The following SNTG1 variants were observed in gnomAD, a reference collection of about 807,000 sequenced individuals.
SNTG1 encodes the protein gamma-1-syntrophin.
Under a neutral mutation model 74.7 loss-of-function variants are expected in SNTG1, and 39 were observed. That is an observed-to-expected ratio of 0.52 (90% CI 0.40 to 0.68). SNTG1 has a LOEUF of 0.68. SNTG1 is among the 30% of genes least tolerant of loss of function. SNTG1 has a pLI of 0.00. For synonymous variants in SNTG1, 254 were observed against 217.1 expected, an observed-to-expected ratio of 1.17 and a Z score of -1.49; for missense variants, 685 against 609.5, an observed-to-expected ratio of 1.12 and a Z score of -1.30.
intron 1 of SNTG1, among the ~76,000 whole-genome samples, chr8:50,046,834 T>C (rs537896603): frequency 6.6e-6 from 1 of 152,334 alleles, no homozygotes; most frequent in Admixed American, 6.5e-5. Flanking sequence ...CCTTTACTTT[T>C]ACCTACTAGA....
At chr8:50,153,148 A>T (rs570266721) in intron 1 of SNTG1, among the ~76,000 whole-genome samples, 12 of 152,172 alleles carry the variant, frequency 7.9e-5, no homozygotes, top group Non-Finnish European at 4.4e-5. Flanking sequence ...ACTTCATTTT[A>T]TTCATTCGAT....
intron 2 of SNTG1, among the ~76,000 whole-genome samples, chr8:50,209,371 A>G (rs1407786805): frequency 6.6e-6 from 1 of 152,206 alleles, no homozygotes; most frequent in African/African-American, 2.4e-5. Flanking sequence ...TAAAGAAAGT[A>G]GTGGTTCTCC....
At chr8:50,487,090 C>T (rs1319876878) in intron 8 of SNTG1, among the ~76,000 whole-genome samples, 11 of 152,138 alleles carry the variant, frequency 7.2e-5, no homozygotes, top group Non-Finnish European at 1.5e-5. Context: ...TGAAAAAATG[C>T]TCATCATCAC....
At chr8:49,961,349 C>G (rs1213775809) in intron 1 of SNTG1, among the ~76,000 whole-genome samples, 3 of 152,148 alleles carry the variant, frequency 2.0e-5, no homozygotes, top group African/African-American at 4.8e-5. Context: ...GCCATAGGCC[C>G]AGAATCCACT....
At chr8:50,600,739 T>G (rs2094766926) in intron 13 of SNTG1, among the ~76,000 whole-genome samples, 1 of 152,136 alleles carries the variant, frequency 6.6e-6, no homozygotes, top group South Asian at 2.1e-4. Flanking sequence ...AAAAAACAAC[T>G]TTTCACTTTG....
At chr8:50,537,998 C>G (rs2094319766) in intron 11 of SNTG1, among the ~76,000 whole-genome samples, 1 of 152,122 alleles carries the variant, frequency 6.6e-6, no homozygotes, top group African/African-American at 2.4e-5. Context: ...CCAGCAAATA[C>G]TGTTTTAGTT....
intron 2 of SNTG1, among the ~76,000 whole-genome samples, chr8:50,306,817 A>G (rs796743405): frequency 4.6e-5 from 7 of 151,858 alleles, no homozygotes; most frequent in African/African-American, 1.7e-4. Context: ...TGCAAATATT[A>G]TCTCCCATTC....
intron 13 of SNTG1, among the ~76,000 whole-genome samples, chr8:50,599,704 T>A (rs1336762707): frequency 1.3e-5 from 2 of 152,110 alleles, no homozygotes; most frequent in Non-Finnish European, 2.9e-5. Context: ...CCTTAATGAA[T>A]TTGTTTATCA....
At chr8:49,987,649 C>CTT (rs35381511) in intron 1 of SNTG1, among the ~76,000 whole-genome samples, 7,524 of 131,430 alleles carry the variant, frequency 0.057, 715 homozygotes, top group African/African-American at 0.18. Context: ...TTAAATTAAC[C>CTT]TTTTTTTTTT....
intron 18 of SNTG1, among the ~76,000 whole-genome samples, chr8:50,778,782 C>T (rs34575436): frequency 0.32 from 47,557 of 149,726 alleles, 7,628 homozygotes; most frequent in South Asian, 0.43. Context: ...CTTGCCCATG[C>T]CTATGTCCTG....
intron 2 of SNTG1, among the ~76,000 whole-genome samples, chr8:50,308,958 C>A (rs1308875917): frequency 6.6e-6 from 1 of 151,116 alleles, no homozygotes; most frequent in Non-Finnish European, 1.5e-5. Flanking sequence ...AACTAGGAAG[C>A]AATAGTTTTG....
At chr8:49,930,707 C>A (rs1317842332) in intron 1 of SNTG1, among the ~76,000 whole-genome samples, 1 of 151,988 alleles carries the variant, frequency 6.6e-6, no homozygotes, top group South Asian at 2.1e-4. Flanking sequence ...CCACAGTAAG[C>A]ACATTAACGA....
chr8:50,017,093 A>C (rs1198797050), intron 1 of SNTG1, among the ~76,000 whole-genome samples: 1 of 152,150 alleles, frequency 6.6e-6, no homozygotes, highest in Non-Finnish European at 1.5e-5. Context: ...TTCAAACTGA[A>C]ATGCAAGGAC....
At chr8:50,558,004 T>TA (rs1325209637) in intron 12 of SNTG1, among the ~76,000 whole-genome samples, 10 of 152,150 alleles carry the variant, frequency 6.6e-5, no homozygotes, top group Admixed American at 6.5e-4. Context: ...TCCCCACTCT[T>TA]ACTGGATCGC....
Position 50,381,837 on chromosome 8 carries a change from T to C in SNTG1, c.-27-12375T>C, listed in dbSNP as rs55972228. On this transcript the variant is annotated intron_variant, in intron 2 of 18. Coordinates refer to ENST00000642720, the MANE Select transcript of SNTG1 (RefSeq NM_018967.5). ...CTATATATATAACATATATATATATTATATATATATATATATGAAGGGGAG... is the reference window on the plus strand; with the variant it reads ...CTATATATATAACATATATATATATCATATATATATATATATGAAGGGGAG... 4.0e-5 allele frequency: 5 copies of C among 123,754 alleles called. No individual in the cohort carries two copies. The South Asian group carries it at 9.9e-4, about 25-fold the overall frequency. 7.7% of individuals were successfully genotyped at this position (123,754 alleles called of 1,614,324 possible). A position where few individuals can be genotyped will look rare whatever the true frequency, so the allele number is the denominator to read the frequency against.
intron 8 of SNTG1, among the ~76,000 whole-genome samples, chr8:50,486,224 G>A (rs374844333): frequency 8.1e-5 from 12 of 147,812 alleles, no homozygotes; most frequent in African/African-American, 1.7e-4. Flanking sequence ...CATTGAATCT[G>A]TAAATTACCT....
rs188946361 is a variant in SNTG1, at chr8:50,114,899, G to A, written c.-102-57662G>A. ...AAAAAATATATGAACAAGTTCTGGG[G>A]GATATAATGTACAGCAGGAGTGGTG... On this transcript the variant is annotated intron_variant, in intron 1 of 18. Transcript: ENST00000642720. Among the ~76,000 whole-genome samples the A allele has an allele frequency of 1.0e-3, 159 of 151,960 alleles. 1 individual carries two copies. Among genetic ancestry groups the A allele is most frequent in the Middle Eastern group, 3.4e-3 (1 of 294 alleles).
At chr8:50,672,055 G>C (rs868424185) in intron 15 of SNTG1, among the ~76,000 whole-genome samples, 2 of 98,306 alleles carry the variant, frequency 2.0e-5, no homozygotes, top group Non-Finnish European at 3.8e-5. Context: ...GGGGTGGGGG[G>C]AGGGGGGAGG....
chr8:50,571,506 G>A (rs1340105301), intron 12 of SNTG1, among the ~76,000 whole-genome samples: 1 of 152,236 alleles, frequency 6.6e-6, no homozygotes, highest in Non-Finnish European at 1.5e-5. Context: ...CACACTTAAT[G>A]AAGCAGTGCT....
Sources: gnomAD v4.1 joint callset for allele counts (sites outside exome capture counted in the v4.1 genomes callset) on GRCh38, gnomAD v4.1.1 for gene constraint, MANE v1.5 for transcripts, NCBI Gene and HGNC (gene_info 2026-07-23, HGNC 2026-07-21) for gene names.